The following SCAPER variants were observed in gnomAD, a reference collection of about 807,000 sequenced individuals.
SCAPER encodes the protein S-phase cyclin A associated protein in the ER.
A neutral mutation model predicts 182.2 loss-of-function variants in SCAPER; 98 were observed. The ratio of observed to expected loss-of-function variants is 0.54; its 90% confidence interval spans 0.46 to 0.64. SCAPER has a LOEUF of 0.64. Among genes scored for constraint, SCAPER ranks in the 30% least tolerant of loss-of-function variants. The probability of loss-of-function intolerance (pLI) is 0.00; values close to 1 mark genes in which losing one functional copy is unlikely to be tolerated. For synonymous variants in SCAPER, 605 were observed against 564.6 expected (o/e 1.07, Z -1.01); for missense variants, 1,432 against 1,690.0 (o/e 0.85, Z 2.68).
rs575613863 is a variant in SCAPER, at chr15:76,560,273, G to A, written c.2838+13885C>T. Among the ~76,000 whole-genome samples the A allele has an allele frequency of 2.6e-4, 40 of 152,274 alleles. No homozygotes were observed. In the South Asian group the frequency reaches 7.9e-3, roughly 30 times the overall value. On this transcript the variant is annotated intron_variant, in intron 23 of 31. Transcript: ENST00000563290. The stretch of plus-strand genomic sequence containing the variant: ...AATCCTATCCTACTTTTCAAAGGAA[G>A]AAACTGAAACTTACAAAGGTTAATA...
At chr15:76,485,455 T>C (rs1041011739) in intron 24 of SCAPER, among the ~76,000 whole-genome samples, 3 of 152,154 alleles carry the variant, frequency 2.0e-5, no homozygotes, top group Non-Finnish European at 4.4e-5. Flanking sequence ...AATGGCCATA[T>C]TGCCCAAAGC....
At chr15:76,886,106 A>C (rs1232472041) in intron 1 of SCAPER, among the ~76,000 whole-genome samples, 2 of 152,216 alleles carry the variant, frequency 1.3e-5, no homozygotes, top group African/African-American at 4.8e-5. Flanking sequence ...AATAATTCAC[A>C]TTCCCACAAA....
Position 76,839,780 on chromosome 15 carries a change from C to T in SCAPER, c.393+1954G>A, listed in dbSNP as rs571751440. On this transcript the variant is annotated intron_variant, in intron 5 of 31. Coordinates refer to ENST00000563290, the MANE Select transcript of SCAPER (RefSeq NM_020843.4). ...AAATAAAAGCCACACTTTCTTGTGG[C>T]CAGTTCTAGCTTCCTAAAACACAGT... is the stretch of plus-strand genomic sequence containing the variant. 2.6e-5 allele frequency among the ~76,000 whole-genome samples: 4 copies of T among 152,278 alleles called. No individual in the cohort carries two copies. In the East Asian group the frequency reaches 7.7e-4, roughly 29 times the overall value.
intron 22 of SCAPER, among the ~76,000 whole-genome samples, chr15:76,578,230 C>T (rs141625686): frequency 2.0e-5 from 3 of 152,218 alleles, no homozygotes; most frequent in African/African-American, 7.2e-5. Context: ...GACTCTAGGC[C>T]CTGGCTCCTG....
intron 15 of SCAPER, among the ~76,000 whole-genome samples, chr15:76,753,289 T>C (rs2062206933): frequency 6.6e-6 from 1 of 151,704 alleles, no homozygotes; most frequent in South Asian, 2.1e-4. Context: ...GACCCAGCAA[T>C]GAAAAGAAAG....
chr15:76,740,703 A>G (rs1417483148), intron 15 of SCAPER, among the ~76,000 whole-genome samples: 3 of 152,214 alleles, frequency 2.0e-5, no homozygotes, highest in Admixed American at 1.3e-4. Context: ...TTCCTAGAAA[A>G]AAGTTTTTTT....
intron 23 of SCAPER, among the ~76,000 whole-genome samples, chr15:76,532,564 C>T (rs1392408827): frequency 2.0e-5 from 3 of 152,142 alleles, no homozygotes; most frequent in Non-Finnish European, 4.4e-5. Context: ...GCTGACTTTT[C>T]ACTCATCAAT....
Position 76,826,441 on chromosome 15 carries a change from T to C in SCAPER, c.393+15293A>G, listed in dbSNP as rs574209008. On this transcript the variant is annotated intron_variant, in intron 5 of 31. Coordinates refer to ENST00000563290, the MANE Select transcript of SCAPER (RefSeq NM_020843.4). ...GTGGGGGGAGGGGGGAGGGATAGCATTGGGAGATATACCTAATGCTAGATG... is the reference window on the plus strand; with the variant it reads ...GTGGGGGGAGGGGGGAGGGATAGCACTGGGAGATATACCTAATGCTAGATG... Among the ~76,000 whole-genome samples, 8 of 145,316 alleles carry C rather than the reference T, an allele frequency of 5.5e-5. No individual in the cohort carries two copies. The East Asian group carries it at 6.5e-4, about 12-fold the overall frequency.
At chr15:76,364,157 G>A (rs969354013) in intron 29 of SCAPER, among the ~76,000 whole-genome samples, 7 of 152,194 alleles carry the variant, frequency 4.6e-5, no homozygotes, top group African/African-American at 1.7e-4. Flanking sequence ...AACACAAAGA[G>A]TCCTTTGGCT....
At chr15:76,467,390 T>C (rs567218814) in intron 25 of SCAPER, among the ~76,000 whole-genome samples, 1 of 151,650 alleles carries the variant, frequency 6.6e-6, no homozygotes, top group African/African-American at 2.4e-5. Flanking sequence ...ATTGTCCACA[T>C]GCCCCACTCT....
chr15:76,546,441 T>C (rs1388547093), intron 23 of SCAPER, among the ~76,000 whole-genome samples: 2 of 152,084 alleles, frequency 1.3e-5, no homozygotes, highest in African/African-American at 2.4e-5. Context: ...CCTCCCACCT[T>C]GGCCTCCCAA....
At chr15:76,750,443 A>G (rs543663253) in intron 15 of SCAPER, among the ~76,000 whole-genome samples, 2 of 152,056 alleles carry the variant, frequency 1.3e-5, no homozygotes, top group South Asian at 4.1e-4. Flanking sequence ...TCGGGCCAGC[A>G]TTACCCTGAT....
chr15:76,632,768 CTTT>C (rs1188058843), intron 21 of SCAPER, among the ~76,000 whole-genome samples: 4 of 104,524 alleles, frequency 3.8e-5, no homozygotes, highest in Admixed American at 9.4e-5. Context: ...AGGCTGCTGA[CTTT>C]TTTTTTTTTT....
chr15:76,560,602 T>C (rs1265325774), intron 23 of SCAPER, among the ~76,000 whole-genome samples: 1 of 152,162 alleles, frequency 6.6e-6, no homozygotes, highest in Non-Finnish European at 1.5e-5. Flanking sequence ...CTTCCCTAAA[T>C]ACCTTCCCAA....
At chr15:76,764,873 A>C (rs2063018859) in intron 14 of SCAPER, 88 bp downstream of exon 14, 4 of 687,396 alleles carry the variant, frequency 5.8e-6, no homozygotes, top group South Asian at 2.1e-5. Context: ...TTTTATGGTT[A>C]TTTTAGCTTC....
intron 14 of SCAPER, among the ~76,000 whole-genome samples, chr15:76,760,909 T>C: frequency 6.6e-6 from 1 of 152,218 alleles, no homozygotes; most frequent in East Asian, 1.9e-4. Context: ...TCTTTTATTT[T>C]TCAGAAAATT....
intron 25 of SCAPER, among the ~76,000 whole-genome samples, chr15:76,439,931 G>C (rs1264520409): frequency 2.0e-5 from 3 of 152,148 alleles, no homozygotes; most frequent in African/African-American, 7.2e-5. Context: ...ATTTCCTTTA[G>C]AATATTTCTT....
In SCAPER at chr15:76,742,466, T is replaced by TAA. The variant is rs55751202; in HGVS notation, c.1867-9084_1867-9083dup. Among the ~76,000 whole-genome samples, 175 of 37,036 alleles carry TAA rather than the reference T, an allele frequency of 4.7e-3. 6 individuals are homozygous for TAA. The highest frequency in any genetic ancestry group is 0.016 in the African/African-American group (163 of 9,992). The allele number at this position is 37,036 out of a possible 152,430, so 24.3% of individuals were successfully genotyped here. A position where few individuals can be genotyped will look rare whatever the true frequency, so the allele number is the denominator to read the frequency against. On this transcript the variant is annotated intron_variant, in intron 15 of 31. Coordinates refer to ENST00000563290, the MANE Select transcript of SCAPER (RefSeq NM_020843.4). ...GGAATAAGAAACAGGTGTCTTTTCC[T>TAA]AAAAAAAAAAAAAAAAAAAAAAAAA... is the stretch of plus-strand genomic sequence containing the variant.
intron 21 of SCAPER, among the ~76,000 whole-genome samples, chr15:76,652,402 A>ATATATATATATG (rs1567707828): frequency 3.1e-5 from 3 of 96,622 alleles, no homozygotes; most frequent in Admixed American, 1.1e-4. Flanking sequence ...ATATATATAT[A>ATATATATATATG]GCACTTTGGA....
Sources: allele counts gnomAD v4.1 joint callset (sites outside exome capture counted in the v4.1 genomes callset), GRCh38; gene constraint gnomAD v4.1.1; transcripts MANE v1.5; gene names NCBI Gene and HGNC (gene_info 2026-07-23, HGNC 2026-07-21).